EIF4G2: variants seen among roughly 807,000 people sequenced by gnomAD.
EIF4G2 encodes the protein DAP-5.
In EIF4G2, 8 loss-of-function variants were observed where a neutral mutation model predicts 117.7. The ratio of observed to expected loss-of-function variants is 0.07; its 90% CI spans 0.04 to 0.12. EIF4G2 has a LOEUF of 0.12. EIF4G2 is among the 10% of genes least tolerant of loss of function. EIF4G2 has a pLI of 1.00. For synonymous variants in EIF4G2, 413 were observed against 367.8 expected (o/e 1.12, Z -1.41); for missense variants, 812 against 1,086.2 (o/e 0.75, Z 3.55).
rs552055409 is a variant in EIF4G2, at chr11:10,800,473, G to A, written c.1819C>T (p.Leu607Phe). 9 of 1,614,058 alleles carry A rather than the reference G, an allele frequency of 5.6e-6. No homozygotes were observed. Among genetic ancestry groups the A allele is most frequent in the Non-Finnish European group, 7.6e-6 (9 of 1,180,038 alleles). The change falls in exon 17 of 22, where the codon CTC becomes TTC. Residue 607 changes from leucine (L) to phenylalanine (F), a missense_variant. This residue lies in a region of EIF4G2 where 571 missense variants were observed against 642.3 expected (regional missense o/e 0.89). Coordinates refer to ENST00000339995, the MANE Select transcript of EIF4G2 (RefSeq NM_001418.4). ...CTTGTGGCTATCCCTTCCTGTTTGA[G>A]TAAACTGATCAAAGAACTTGCTTTT... is the stretch of plus-strand genomic sequence containing the variant.
In EIF4G2 at chr11:10,799,273, G is replaced by A; in HGVS notation, c.2476C>T (p.Leu826=). The A allele has an allele frequency of 6.2e-7, 1 of 1,614,204 alleles. No homozygotes were observed. The highest frequency in any genetic ancestry group is 8.5e-7 in the Non-Finnish European group (1 of 1,180,040). Reference sequence around the variant, plus strand: ...AGAGCATACAGGGCACTGACTTGTAGATCAACGTGATCATGAAGAAATTTC... The same window carrying A: ...AGAGCATACAGGGCACTGACTTGTAAATCAACGTGATCATGAAGAAATTTC... Residue 826 remains leucine (L), a synonymous_variant, in exon 20 of 22, where the codon CTA becomes TTA. Transcript: ENST00000339995.
At chr11:10,802,735 C>T (rs1214884094) in intron 11 of EIF4G2, among the ~76,000 whole-genome samples, 8 of 152,062 alleles carry the variant, frequency 5.3e-5, no homozygotes, top group East Asian at 1.9e-4. Flanking sequence ...GGTGTGGTGG[C>T]GCACGCCTAT....
intron 11 of EIF4G2, 85 bp from the exon 12 acceptor site, chr11:10,802,520 C>G (rs1170177167): frequency 7.0e-7 from 1 of 1,435,658 alleles, no homozygotes; most frequent in Non-Finnish European, 9.3e-7. Flanking sequence ...GGGGGGGAAA[C>G]CTAGAATATT....
Position 10,802,403 on chromosome 11 carries a change from A to G in EIF4G2, c.1029T>C (p.Ala343=). Residue 343 remains alanine, a synonymous_variant, in exon 12 of 22, where the codon GCT becomes GCC. Transcript: ENST00000339995. ...GAAAGAAGTCACTTCTCATCCCTTGAGCCATAGGAGCAGGAATAAACACCC... is the reference window on the plus strand; with the variant it reads ...GAAAGAAGTCACTTCTCATCCCTTGGGCCATAGGAGCAGGAATAAACACCC... 6.2e-7 allele frequency: 1 copy of G among 1,611,200 alleles called. No individual in the cohort carries two copies. The highest frequency in any genetic ancestry group is 2.2e-5 in the East Asian group (1 of 44,872).
In EIF4G2 at chr11:10,803,804, T is replaced by C; in HGVS notation, c.702+95A>G. 1.4e-6 allele frequency: 2 copies of C among 1,437,490 alleles called. No homozygotes were observed. The highest frequency in any genetic ancestry group is 1.9e-6 in the Non-Finnish European group (2 of 1,059,206). 89.0% of individuals were successfully genotyped at this position (1,437,490 alleles called of 1,614,324 possible). A position where few individuals can be genotyped will look rare whatever the true frequency, so the allele number is the denominator to read the frequency against. The stretch of plus-strand genomic sequence containing the variant: ...TGTTTAGTAAATTTTGTTGCACATC[T>C]GTATTTAACTAGTCAACCTCCCTCT... On this transcript the variant is annotated intron_variant, in intron 8 of 21. Coordinates refer to ENST00000339995, the MANE Select transcript of EIF4G2 (RefSeq NM_001418.4). The surrounding 1 kb of genome is among the most constrained non-coding windows in gnomAD (Gnocchi z 4.0).
intron 21 of EIF4G2, 132 bp downstream of exon 21, chr11:10,798,860 G>GA (rs1847339167): frequency 9.7e-7 from 1 of 1,034,794 alleles, no homozygotes; most frequent in Admixed American, 2.4e-5. Context: ...AGTGCAGAAT[G>GA]AAATGTACAG....
At chr11:10,802,564 T>C (rs1228629036) in intron 11 of EIF4G2, 129 bp from the exon 12 acceptor site, 1 of 1,303,512 alleles carries the variant, frequency 7.7e-7, no homozygotes, top group Non-Finnish European at 1.0e-6. Flanking sequence ...GTAAATAACT[T>C]CTTCCAAAAA....
At position 10,799,653 on chromosome 11, in the gene EIF4G2, T is replaced by C; in HGVS notation, c.2223A>G (p.Ile741Met). 6.2e-7 allele frequency: 1 copy of C among 1,614,198 alleles called. No individual in the cohort carries two copies. Among genetic ancestry groups the C allele is most frequent in the South Asian group, 1.1e-5 (1 of 91,080 alleles). ...TGGTTTGAGGGGATGGATCCAACTT[T>C]ATTTGCTTCAACAGTTCCTTCTCCA... Residue 741 changes from isoleucine to methionine, a missense_variant, in exon 19 of 22, where the codon ATA becomes ATG. Ile to Met is a conservative substitution (Grantham distance 10). This residue lies in a region of EIF4G2 where 571 missense variants were observed against 642.3 expected (regional missense o/e 0.89). Coordinates refer to ENST00000339995, the MANE Select transcript of EIF4G2 (RefSeq NM_001418.4).
intron 18 of EIF4G2, 159 bp downstream of exon 18, chr11:10,799,931 A>G (rs1847370078): frequency 4.3e-6 from 5 of 1,170,752 alleles, no homozygotes; most frequent in South Asian, 3.1e-5. Context: ...AAAGTAGTTA[A>G]ATTATAAATC....
rs1847384920 is a variant in EIF4G2 at position 10,800,429 on chromosome 11, T to C, written c.1860+3A>G. ...TTACCACACAATCAGTAAAGTGTCC[T>C]ACCTGCATGAAGTTGTCACTTGTGG... is the stretch of plus-strand genomic sequence containing the variant. On this transcript the variant is annotated splice_donor_region_variant and intron_variant, in intron 17 of 21. Transcript: ENST00000339995. 2 of 1,614,088 alleles carry C rather than the reference T, an allele frequency of 1.2e-6. No homozygotes were observed. Among genetic ancestry groups the C allele is most frequent in the South Asian group, 1.1e-5 (1 of 91,084 alleles).
Position 10,799,551 on chromosome 11 carries a change from C to T in EIF4G2, c.2324+1G>A. 1 of 1,613,274 alleles carries T rather than the reference C, an allele frequency of 6.2e-7. No individual in the cohort carries two copies. Among genetic ancestry groups the T allele is most frequent in the Non-Finnish European group, 8.5e-7 (1 of 1,179,524 alleles). On this transcript the variant is annotated splice_donor_variant, in intron 19 of 21. Transcript: ENST00000339995. LOFTEE classifies it high-confidence loss of function. ...CATATGCAGAAAACCATTCGTCTTA[C>T]CTAGTCATTAAGATGTTCACAAATC...
intron 20 of EIF4G2, 39 bp from the exon 21 acceptor site, chr11:10,799,152 A>C: frequency 6.3e-7 from 1 of 1,596,288 alleles, no homozygotes; most frequent in Non-Finnish European, 8.5e-7. Context: ...TAATAAGCCC[A>C]TTATTTAGTG....
chr11:10,807,893 A>T (rs2135423323), intron 1 of EIF4G2: 1 of 1,006,896 alleles, frequency 9.9e-7, no homozygotes, highest in Non-Finnish European at 1.2e-6. Context: ...TGCAGGCGGA[A>T]GACCAGGGCC....
intron 4 of EIF4G2, among the ~76,000 whole-genome samples, chr11:10,805,300 T>C (rs917554291): frequency 6.6e-6 from 1 of 152,198 alleles, no homozygotes; most frequent in Admixed American, 6.5e-5. Context: ...GACCATGAAC[T>C]AAGACCATTA....
intron 6 of EIF4G2, 35 bp from the exon 7 acceptor site, chr11:10,804,238 A>C: frequency 1.2e-6 from 2 of 1,613,112 alleles, no homozygotes; most frequent in Non-Finnish European, 8.5e-7. Context: ...TTTATTAAGG[A>C]AATTTTTCAA....
intron 18 of EIF4G2, 86 bp downstream of exon 18, chr11:10,800,004 C>T (rs1039687102): frequency 1.4e-6 from 2 of 1,447,930 alleles, no homozygotes; most frequent in African/African-American, 2.8e-5. Context: ...ATCAGACTGT[C>T]TGACCTACAT....
At chr11:10,808,057 C>G (rs1847640981) in intron 1 of EIF4G2, 2 of 1,044,402 alleles carry the variant, frequency 1.9e-6, no homozygotes, top group African/African-American at 1.7e-5. Context: ...GCTGAGGCCA[C>G]CCCCGCCAGC....
Position 10,802,389 on chromosome 11 carries a change from C to A in EIF4G2, c.1043G>T (p.Ser348Ile). Residue 348 changes from serine to isoleucine, a missense_variant, in exon 12 of 22, where the codon AGT (serine) becomes ATT (isoleucine). By Grantham distance (142) the Ser-to-Ile change is moderately radical. Around this residue, in one of 4 missense-constraint regions of EIF4G2, gnomAD observed 571 missense variants for 642.3 expected, o/e 0.89. Transcript: ENST00000339995. ...GAACGGTCCCTCCAGAAAGAAGTCA[C>A]TTCTCATCCCTTGAGCCATAGGAGC... 2.5e-6 allele frequency: 4 copies of A among 1,613,612 alleles called. No individual in the cohort carries two copies. The South Asian group carries it at 3.3e-5, about 13-fold the overall frequency.
intron 1 of EIF4G2, chr11:10,807,944 C>T: frequency 9.9e-7 from 1 of 1,014,702 alleles, no homozygotes; most frequent in South Asian, 3.5e-5. Context: ...TTTTCCCTTC[C>T]TGGGAACAAA....
Sources: gnomAD v4.1 joint callset for allele counts (sites outside exome capture counted in the v4.1 genomes callset) on GRCh38, gnomAD v4.1.1 for gene constraint, gnomAD v4.1.1 regional missense constraint, Gnocchi (gnomAD v3.1) non-coding constraint, MANE v1.5 for transcripts, NCBI Gene and HGNC (gene_info 2026-07-23, HGNC 2026-07-21) for gene names.